Variants in SIPA1 observed in about 807,000 individuals in gnomAD.
SIPA1 encodes the protein signal-induced proliferation-associated 1.
In SIPA1, 51 loss-of-function variants were observed where a neutral mutation model predicts 88.1. The ratio of observed to expected loss-of-function variants is 0.58; its 90% CI spans 0.46 to 0.73. The LOEUF (loss-of-function observed/expected upper bound fraction) is 0.73, where lower values mean the gene tolerates loss of function less well. Among genes scored for constraint, SIPA1 ranks in the 30% least tolerant of loss-of-function variants. The pLI is 0.00. For synonymous variants in SIPA1, 681 were observed against 664.8 expected (o/e 1.02, Z -0.37); for missense variants, 1,348 against 1,467.6 (o/e 0.92, Z 1.33).
At chr11:65,649,230 G>A in intron 9 of SIPA1, 32 bp from the exon 10 acceptor site, 1 of 1,440,372 alleles carries the variant, frequency 6.9e-7, no homozygotes, top group Non-Finnish European at 9.3e-7. Flanking sequence ...GGGGACTGGA[G>A]AAGTCCTGCC....
chr11:65,648,364 A>C (rs1360543309), intron 9 of SIPA1, among the ~76,000 whole-genome samples: 2 of 152,128 alleles, frequency 1.3e-5, no homozygotes. Flanking sequence ...ATGGCCAAAT[A>C]ATAAATATTT....
chr11:65,649,689 C>A lies in SIPA1; in HGVS notation c.2637+17C>A. 6.2e-7 allele frequency: 1 copy of A among 1,614,078 alleles called. No homozygotes were observed. Among genetic ancestry groups the A allele is most frequent in the Non-Finnish European group, 8.5e-7 (1 of 1,180,022 alleles). On this transcript the variant is annotated intron_variant, in intron 11 of 15. Coordinates refer to ENST00000534313, the MANE Select transcript of SIPA1 (RefSeq NM_006747.4). ...CTGACCCAGGTGAGCAGAAACCAGG[C>A]TCTGGAGCCCAACAGCACAGTGGTG... is the stretch of plus-strand genomic sequence containing the variant.
rs549928466 is a variant in SIPA1 at position 65,650,786 on chromosome 11, C to T, written c.*71C>T. 53 of 1,435,824 alleles carry T rather than the reference C, an allele frequency of 3.7e-5. No individual in the cohort carries two copies. The highest frequency in any genetic ancestry group is 1.3e-4 in the African/African-American group (9 of 70,206). The allele number at this position is 1,435,824 out of a possible 1,614,324, so 88.9% of individuals were successfully genotyped here. On this transcript the variant is annotated 3_prime_UTR_variant, in exon 16 of 16. Transcript: ENST00000534313. ...GGGCCCTCCTCAGGAACTCTCCCTG[C>T]GCAGAGGCGTGTCTTAGCACTGCCC... is the stretch of plus-strand genomic sequence containing the variant.
chr11:65,644,877 G>A (rs575452117), intron 4 of SIPA1, 78 bp from the exon 5 acceptor site: 17 of 1,451,682 alleles, frequency 1.2e-5, no homozygotes, highest in African/African-American at 4.2e-5. Context: ...CCAGGCCAGC[G>A]TCCCATCCAT....
chr11:65,647,632 C>T lies in SIPA1; in HGVS notation c.2280C>T (p.Pro760=). The change falls in exon 9 of 16, where the codon CCC becomes CCT. Residue 760 remains proline (P), a synonymous_variant. Coordinates refer to ENST00000534313, the MANE Select transcript of SIPA1 (RefSeq NM_006747.4). Reference sequence around the variant, plus strand: ...CCAAGGTCTGCGTCACCGTCCTGCCCCCCGACGAGAGCGGCCGGCCCCGCA... The same window carrying T: ...CCAAGGTCTGCGTCACCGTCCTGCCTCCCGACGAGAGCGGCCGGCCCCGCA... ...SAPKVCVTVL[P]PDESGRPRRS... 1 of 1,394,636 alleles carries T rather than the reference C, an allele frequency of 7.2e-7. No individual in the cohort carries two copies. Among genetic ancestry groups the T allele is most frequent in the South Asian group, 1.5e-5 (1 of 68,728 alleles). 86.4% of individuals were successfully genotyped at this position (1,394,636 alleles called of 1,614,324 possible).
chr11:65,642,527 C>G lies in SIPA1; in HGVS notation c.872C>G (p.Ser291Cys). The G allele has an allele frequency of 6.2e-7, 1 of 1,608,738 alleles. No homozygotes were observed. Among genetic ancestry groups the G allele is most frequent in the Non-Finnish European group, 8.5e-7 (1 of 1,179,288 alleles). ...ALPPGPPRGL[S>C]PRKLLEHVAP... ...CCGCCGGGGCCCCCACGGGGTCTGT[C>G]CCCAAGGAAACTTCTGGAGCACGTG... Residue 291 changes from serine to cysteine, a missense_variant, in exon 4 of 16, where the codon TCC becomes TGC. Ser to Cys is a moderately radical substitution (Grantham distance 112, BLOSUM62 -1). Coordinates refer to ENST00000534313, the MANE Select transcript of SIPA1 (RefSeq NM_006747.4). This position sits in a 1 kb window ranked among gnomAD's most constrained non-coding sequence, Gnocchi z 6.5.
Position 65,650,556 on chromosome 11 carries a change from C to CCCGGCA in SIPA1, c.2983-10_2983-5dup, listed in dbSNP as rs1555005583. ...GGCTGGCGGCTCTGACTCCTGTCTC[C>CCCGGCA]CCGGCACCCCAGGAGAAGGCGGACA... On this transcript the variant is annotated splice_polypyrimidine_tract_variant and intron_variant, in intron 15 of 15. Transcript: ENST00000534313. 6.2e-7 allele frequency: 1 copy of CCCGGCA among 1,608,846 alleles called. No homozygotes were observed. Among genetic ancestry groups the CCCGGCA allele is most frequent in the East Asian group, 2.2e-5 (1 of 44,640 alleles).
chr11:65,647,711 G>T, intron 9 of SIPA1, 53 bp downstream of exon 9: 1 of 1,280,898 alleles, frequency 7.8e-7, no homozygotes, highest in South Asian at 1.9e-5. Flanking sequence ...TGGCCACCGC[G>T]CAGTCTGCGC....
At position 65,649,442 on chromosome 11, in the gene SIPA1, T is replaced by C. The variant is rs1856209880; in HGVS notation, c.2487T>C (p.Thr829=). ...CTGGGGATCTGGCCGAGGAGAGGACTGAGTTCCTGCACAGCCAGAACTCGC... is the reference window on the plus strand; with the variant it reads ...CTGGGGATCTGGCCGAGGAGAGGACCGAGTTCCTGCACAGCCAGAACTCGC... ...PGPGDLAEER[T]EFLHSQNSLS... is the part of the protein sequence containing the mutation. Residue 829 remains threonine (T), a synonymous_variant, in exon 10 of 16, where the codon ACT becomes ACC. Transcript: ENST00000534313. The C allele has an allele frequency of 2.5e-6, 4 of 1,608,296 alleles. No individual in the cohort carries two copies. The East Asian group carries it at 6.7e-5, about 27-fold the overall frequency.
rs766450213 is a variant in SIPA1, at chr11:65,641,529, G to A, written c.608G>A (p.Arg203Gln). 20 of 1,612,254 alleles carry A rather than the reference G, an allele frequency of 1.2e-5. No individual in the cohort carries two copies. Among genetic ancestry groups the A allele is most frequent in the East Asian group, 2.2e-5 (1 of 44,896 alleles). ...TCCATCCTGGAGGAGCCACAGAACC[G>A]AACCTCGGCCTACAGCCTGGAGCAC... ...AVSILEEPQN[R>Q]TSAYSLEHAD... is the part of the protein sequence containing the mutation. The change falls in exon 2 of 16, where the codon CGA becomes CAA. Residue 203 changes from arginine to glutamine, a missense_variant. By Grantham distance (43) the Arg-to-Gln change is conservative. Transcript: ENST00000534313.
rs1269334059 is a variant in SIPA1, at chr11:65,642,379, T to G, written c.807+2T>G. The G allele has an allele frequency of 1.3e-6, 2 of 1,584,012 alleles. No homozygotes were observed. Among genetic ancestry groups the G allele is most frequent in the Non-Finnish European group, 1.7e-6 (2 of 1,163,898 alleles). On this transcript the variant is annotated splice_donor_variant, in intron 3 of 15. Transcript: ENST00000534313. LOFTEE classifies it high-confidence loss of function. The surrounding 1 kb of genome is among the most constrained non-coding windows in gnomAD (Gnocchi z 6.5). The stretch of plus-strand genomic sequence containing the variant: ...CGCGTCATCGTGCGGACCACGCAGG[T>G]GGGCCGGGATCGCGGGATCAGGACG...
At position 65,649,443 on chromosome 11, in the gene SIPA1, G is replaced by C. The variant is rs1856209957; in HGVS notation, c.2488G>C (p.Glu830Gln). The part of the protein sequence containing the change: ...GPGDLAEERT[E>Q]FLHSQNSLSP... ...TGGGGATCTGGCCGAGGAGAGGACT[G>C]AGTTCCTGCACAGCCAGAACTCGCT... The change falls in exon 10 of 16, where the codon GAG (glutamate) becomes CAG (glutamine). Residue 830 changes from glutamate (E) to glutamine (Q), a missense_variant. Coordinates refer to ENST00000534313, the MANE Select transcript of SIPA1 (RefSeq NM_006747.4). 1.2e-6 allele frequency: 2 copies of C among 1,608,418 alleles called. No homozygotes were observed. The highest frequency in any genetic ancestry group is 1.7e-6 in the Non-Finnish European group (2 of 1,177,360).
In SIPA1 at chr11:65,642,276, G is replaced by A; in HGVS notation, c.706G>A (p.Glu236Lys). 1 of 1,556,314 alleles carries A rather than the reference G, an allele frequency of 6.4e-7. No individual in the cohort carries two copies. The highest frequency in any genetic ancestry group is 8.7e-7 in the Non-Finnish European group (1 of 1,151,042). The change falls in exon 3 of 16, where the codon GAG becomes AAG. Residue 236 changes from glutamate (E) to lysine (K), a missense_variant. By Grantham distance (56) the Glu-to-Lys change is moderately conservative. This residue lies in a region of SIPA1 where 641 missense variants were observed against 797.7 expected (regional missense o/e 0.80). Coordinates refer to ENST00000534313, the MANE Select transcript of SIPA1 (RefSeq NM_006747.4). This position sits in a 1 kb window ranked among gnomAD's most constrained non-coding sequence, Gnocchi z 6.5. ...ACATCAGAACTTCTTCGGGATGGACGAGTCGCTGGGCCCGGTGGCAGTGAG... is the reference window on the plus strand; with the variant it reads ...ACATCAGAACTTCTTCGGGATGGACAAGTCGCTGGGCCCGGTGGCAGTGAG... ...KEHQNFFGMD[E>K]SLGPVAVSLR...
At position 65,646,813 on chromosome 11, in the gene SIPA1, C is replaced by A; in HGVS notation, c.1779C>A (p.Val593=). 7.8e-7 allele frequency: 1 copy of A among 1,285,184 alleles called. No homozygotes were observed. Among genetic ancestry groups the A allele is most frequent in the South Asian group, 2.2e-5 (1 of 45,430 alleles). The allele number at this position is 1,285,184 out of a possible 1,614,324, so 79.6% of individuals were successfully genotyped here. A position where few individuals can be genotyped will look rare whatever the true frequency, so the allele number is the denominator to read the frequency against. The change falls in exon 8 of 16, where the codon GTC becomes GTA. Residue 593 remains valine, a synonymous_variant. Coordinates refer to ENST00000534313, the MANE Select transcript of SIPA1 (RefSeq NM_006747.4). The surrounding 1 kb of genome is among the most constrained non-coding windows in gnomAD (Gnocchi z 7.5). The part of the protein sequence containing the change: ...WGVRAAPGAR[V]AAGAQASGPE... Reference sequence around the variant, plus strand: ...TGCGCGCGGCGCCCGGGGCGCGGGTCGCCGCCGGGGCTCAGGCGAGCGGCC... The same window carrying A: ...TGCGCGCGGCGCCCGGGGCGCGGGTAGCCGCCGGGGCTCAGGCGAGCGGCC...
intron 9 of SIPA1, 166 bp from the exon 10 acceptor site, chr11:65,649,096 T>C (rs1856197629): frequency 3.4e-6 from 2 of 583,578 alleles, no homozygotes; most frequent in South Asian, 4.7e-5. Flanking sequence ...ATTTGAACCA[T>C]GGTCTGGAAA....
In SIPA1 at chr11:65,640,963, C is replaced by T. The variant is rs757837758; in HGVS notation, c.42C>T (p.Gly14=). The part of the protein sequence containing the change: ...WAGGVGSPRR[G]MAPASTDDLF... ...GCGGTGTGGGGAGCCCTCGGCGGGG[C>T]ATGGCCCCTGCGTCCACAGATGACC... Residue 14 remains glycine, a synonymous_variant, in exon 2 of 16, where the codon GGC becomes GGT. Transcript: ENST00000534313. 3.1e-5 allele frequency: 48 copies of T among 1,560,550 alleles called. No individual in the cohort carries two copies. Among genetic ancestry groups the T allele is most frequent in the Middle Eastern group, 1.8e-4 (1 of 5,466 alleles).
chr11:65,644,674 A>C (rs2135517069), intron 4 of SIPA1, among the ~76,000 whole-genome samples: 1 of 151,828 alleles, frequency 6.6e-6, no homozygotes, highest in Non-Finnish European at 1.5e-5. Context: ...TCCAGCCTTG[A>C]GATAAGGAGG....
Position 65,642,662 on chromosome 11 carries a change from C to G in SIPA1, c.984+23C>G. ...GTGGTGAGTGGCGGGCCGCGGAGCC[C>G]CCAGCCATACAGCTGGCCCCAGTCT... On this transcript the variant is annotated intron_variant, in intron 4 of 15. Coordinates refer to ENST00000534313, the MANE Select transcript of SIPA1 (RefSeq NM_006747.4). This position sits in a 1 kb window ranked among gnomAD's most constrained non-coding sequence, Gnocchi z 6.5. The G allele has an allele frequency of 6.6e-7, 1 of 1,504,682 alleles. No homozygotes were observed. Among genetic ancestry groups the G allele is most frequent in the South Asian group, 1.2e-5 (1 of 80,860 alleles). The allele number at this position is 1,504,682 out of a possible 1,614,324, so 93.2% of individuals were successfully genotyped here.
At position 65,649,583 on chromosome 11, in the gene SIPA1, G is replaced by T. The variant is rs1361468859; in HGVS notation, c.2548G>T (p.Val850Phe). ...PRSSLSDEAPVLPNTTPDLLL... is the reference protein window; with the variant it reads ...PRSSLSDEAPFLPNTTPDLLL... ...CAGCTCTCTGTCGGATGAGGCCCCA[G>T]TCCTGCCCAACACCACCCCGGACCT... The change falls in exon 11 of 16, where the codon GTC becomes TTC. Residue 850 changes from valine (V) to phenylalanine (F), a missense_variant. This residue lies in a region of SIPA1 where 615 missense variants were observed against 559.8 expected (regional missense o/e 1.10). Transcript: ENST00000534313. 6.2e-7 allele frequency: 1 copy of T among 1,614,080 alleles called. No homozygotes were observed. The highest frequency in any genetic ancestry group is 1.7e-5 in the Admixed American group (1 of 60,014).
Sources: gnomAD v4.1 joint callset for allele counts (sites outside exome capture counted in the v4.1 genomes callset) on GRCh38, gnomAD v4.1.1 for gene constraint, gnomAD v4.1.1 regional missense constraint, Gnocchi (gnomAD v3.1) non-coding constraint, MANE v1.5 for transcripts, NCBI Gene and HGNC (gene_info 2026-07-23, HGNC 2026-07-21) for gene names.